Variants in GRM8 observed in about 807,000 individuals in gnomAD.
GRM8 encodes the protein metabotropic glutamate receptor 8.
Under a neutral mutation model 87.2 loss-of-function variants are expected in GRM8, and 47 were observed. That is an observed-to-expected ratio of 0.54 (90% CI 0.43 to 0.69). GRM8 has a LOEUF of 0.69. Ranked by LOEUF, GRM8 falls within the 30% of genes least tolerant of loss-of-function variation. The pLI, the probability that GRM8 is intolerant of heterozygous loss-of-function variation, is 0.00. For synonymous variants in GRM8, 396 were observed against 404.5 expected (o/e 0.98, Z 0.25); for missense variants, 1,019 against 1,139.2 (o/e 0.89, Z 1.52).
At chr7:126,897,020 G>A (rs1563292949) in intron 6 of GRM8, among the ~76,000 whole-genome samples, 2 of 152,100 alleles carry the variant, frequency 1.3e-5, no homozygotes, top group African/African-American at 4.8e-5. Context: ...ACAACTAAAT[G>A]AATAATGAAT....
chr7:127,191,478 A>G (rs962948023), intron 2 of GRM8, among the ~76,000 whole-genome samples: 1 of 152,190 alleles, frequency 6.6e-6, no homozygotes, highest in African/African-American at 2.4e-5. Flanking sequence ...CTAATTGGAA[A>G]GTTTCTTTTG....
chr7:126,577,534 CTAATA>C (rs535072403), intron 8 of GRM8, among the ~76,000 whole-genome samples: 138 of 151,232 alleles, frequency 9.1e-4, no homozygotes, highest in African/African-American at 3.3e-3. Flanking sequence ...AAGTTCTACT[CTAATA>C]TATGTCCTAG....
At chr7:126,451,034 T>A (rs1802561514) in intron 9 of GRM8, among the ~76,000 whole-genome samples, 1 of 151,854 alleles carries the variant, frequency 6.6e-6, no homozygotes. Flanking sequence ...TTGAAGTCTG[T>A]AATAATTGTT....
chr7:127,148,992 G>A (rs1488753701), intron 2 of GRM8, among the ~76,000 whole-genome samples: 1 of 151,888 alleles, frequency 6.6e-6, no homozygotes, highest in African/African-American at 2.4e-5. Flanking sequence ...TAGAAGAGAA[G>A]GAGCAACAGC....
chr7:127,004,451 T>C (rs896943059), intron 3 of GRM8, among the ~76,000 whole-genome samples: 3 of 151,542 alleles, frequency 2.0e-5, no homozygotes, highest in Non-Finnish European at 4.4e-5. Context: ...AAGTAATATA[T>C]ACAGAAGATA....
intron 9 of GRM8, among the ~76,000 whole-genome samples, chr7:126,476,799 T>G (rs888985665): frequency 6.6e-6 from 1 of 151,962 alleles, no homozygotes; most frequent in Non-Finnish European, 1.5e-5. Flanking sequence ...TTCATAGGGA[T>G]GTAAATTGTT....
rs184263029 is a variant in GRM8 at position 126,909,364 on chromosome 7, G to A, written c.728-4681C>T. On this transcript the variant is annotated intron_variant, in intron 3 of 10. Coordinates refer to ENST00000339582, the MANE Select transcript of GRM8 (RefSeq NM_000845.3). Reference sequence around the variant, plus strand: ...CACATCCATTGCTTGACTTTTTAAAGAGACTCTGTCTTGATTTAAATTCCT... The same window carrying A: ...CACATCCATTGCTTGACTTTTTAAAAAGACTCTGTCTTGATTTAAATTCCT... Among the ~76,000 whole-genome samples, 1,389 of 152,236 alleles carry A rather than the reference G, an allele frequency of 9.1e-3. 21 individuals are homozygous for A. Among genetic ancestry groups the A allele is most frequent in the African/African-American group, 0.031 (1,293 of 41,564 alleles).
intron 6 of GRM8, among the ~76,000 whole-genome samples, chr7:126,863,309 G>A (rs541302063): frequency 6.6e-4 from 100 of 152,056 alleles, no homozygotes; most frequent in Non-Finnish European, 1.4e-3. Flanking sequence ...CTTATTTCAT[G>A]GAATTTTGTG....
chr7:127,048,034 T>C (rs368990237), intron 3 of GRM8, among the ~76,000 whole-genome samples: 2 of 152,244 alleles, frequency 1.3e-5, no homozygotes, highest in African/African-American at 2.4e-5. Flanking sequence ...GTCTGAAATA[T>C]AACAGTGAAC....
intron 9 of GRM8, among the ~76,000 whole-genome samples, chr7:126,528,662 A>C (rs1401299739): frequency 7.0e-6 from 1 of 142,464 alleles, no homozygotes; most frequent in African/African-American, 2.5e-5. Flanking sequence ...ATTTATTTTA[A>C]ATAATCAACC....
chr7:126,986,453 A>G (rs986470723), intron 3 of GRM8, among the ~76,000 whole-genome samples: 1 of 152,194 alleles, frequency 6.6e-6, no homozygotes, highest in African/African-American at 2.4e-5. Context: ...AAAGAAGTTA[A>G]CTGATGCTTA....
intron 6 of GRM8, among the ~76,000 whole-genome samples, chr7:126,802,271 T>C (rs538629161): frequency 3.9e-5 from 6 of 152,302 alleles, no homozygotes; most frequent in East Asian, 1.9e-4. Context: ...TGATGTACTA[T>C]AGATGTTTTG....
chr7:127,133,043 T>C (rs554263219), intron 2 of GRM8, among the ~76,000 whole-genome samples: 1 of 152,314 alleles, frequency 6.6e-6, no homozygotes, highest in Non-Finnish European at 1.5e-5. Flanking sequence ...GAAGGATTGC[T>C]TGTATCCAAA....
chr7:126,941,443 T>TA (rs11453714), intron 3 of GRM8, among the ~76,000 whole-genome samples: 49,427 of 128,660 alleles, frequency 0.38, 9,507 homozygotes, highest in East Asian at 0.65. Context: ...CCATCTCTAC[T>TA]AAAAAAAAAA....
At chr7:126,853,008 A>G (rs933383481) in intron 6 of GRM8, among the ~76,000 whole-genome samples, 1 of 152,210 alleles carries the variant, frequency 6.6e-6, no homozygotes, top group Non-Finnish European at 1.5e-5. Context: ...TAGCATCCGC[A>G]TTATTTTCAA....
intron 2 of GRM8, among the ~76,000 whole-genome samples, chr7:127,234,194 C>A (rs914494898): frequency 6.6e-6 from 1 of 152,172 alleles, no homozygotes; most frequent in African/African-American, 2.4e-5. Flanking sequence ...GTAGCTGAGA[C>A]AAATCATAGC....
intron 7 of GRM8, among the ~76,000 whole-genome samples, chr7:126,666,283 T>C (rs1805755134): frequency 6.6e-6 from 1 of 152,168 alleles, no homozygotes; most frequent in Non-Finnish European, 1.5e-5. Flanking sequence ...TGATCAAAGT[T>C]GTATCTGATG....
At chr7:126,933,607 T>G (rs1805985965) in intron 3 of GRM8, among the ~76,000 whole-genome samples, 1 of 152,184 alleles carries the variant, frequency 6.6e-6, no homozygotes, top group Non-Finnish European at 1.5e-5. Flanking sequence ...AGGAGGACAG[T>G]GGGGAAGTCA....
intron 3 of GRM8, among the ~76,000 whole-genome samples, chr7:127,078,954 T>A (rs1822568131): frequency 6.6e-6 from 1 of 152,214 alleles, no homozygotes; most frequent in Admixed American, 6.5e-5. Flanking sequence ...AGGAAAAGGA[T>A]GTATGAAAGA....
Sources: gnomAD v4.1 joint callset for allele counts (sites outside exome capture counted in the v4.1 genomes callset) on GRCh38, gnomAD v4.1.1 for gene constraint, MANE v1.5 for transcripts, NCBI Gene and HGNC (gene_info 2026-07-23, HGNC 2026-07-21) for gene names.